The following DSCAM variants were observed in gnomAD, a reference collection of about 807,000 sequenced individuals.
DSCAM encodes cell adhesion molecule DSCAM.
Under a neutral mutation model 217.7 loss-of-function variants are expected in DSCAM, and 47 were observed. That is an observed-to-expected ratio of 0.22 (90% CI 0.17 to 0.28). The LOEUF (loss-of-function observed/expected upper bound fraction) is 0.28. Among genes scored for constraint, DSCAM ranks in the 10% least tolerant of loss-of-function variants. The pLI is 1.00. For synonymous variants in DSCAM, 1,056 were observed against 1,015.3 expected (o/e 1.04, Z -0.76); for missense variants, 2,080 against 2,618.3 (o/e 0.79, Z 4.49).
intron 8 of DSCAM, among the ~76,000 whole-genome samples, chr21:40,319,985 C>T (rs538237405): frequency 1.3e-4 from 20 of 152,132 alleles, no homozygotes; most frequent in Middle Eastern, 3.4e-3. Context: ...CACTTATAAG[C>T]GGGAGTTGAA....
chr21:40,072,359 T>A (rs2146538974), intron 27 of DSCAM, among the ~76,000 whole-genome samples: 1 of 150,428 alleles, frequency 6.6e-6, no homozygotes, highest in East Asian at 2.0e-4. Flanking sequence ...TCTTTTTTTT[T>A]TTTTTGAGAC....
At chr21:40,531,091 C>G (rs555321451) in intron 3 of DSCAM, among the ~76,000 whole-genome samples, 2 of 152,194 alleles carry the variant, frequency 1.3e-5, no homozygotes, top group Admixed American at 6.5e-5. Context: ...AGAGTTTACA[C>G]TGAAAACGTG....
At chr21:40,242,835 C>T (rs1473306688) in intron 11 of DSCAM, among the ~76,000 whole-genome samples, 4 of 152,352 alleles carry the variant, frequency 2.6e-5, no homozygotes, top group South Asian at 2.1e-4. Context: ...CAGGTTGCTG[C>T]GTACTGAGCA....
chr21:40,771,831 C>T (rs1175077633), intron 1 of DSCAM, among the ~76,000 whole-genome samples: 2 of 152,226 alleles, frequency 1.3e-5, no homozygotes, highest in Non-Finnish European at 2.9e-5. Flanking sequence ...ACTGGGAACT[C>T]AACCTAAAAT....
intron 8 of DSCAM, among the ~76,000 whole-genome samples, chr21:40,332,079 T>G (rs1182392187): frequency 6.6e-6 from 1 of 152,186 alleles, no homozygotes; most frequent in Non-Finnish European, 1.5e-5. Context: ...CCTTTCTTGT[T>G]CTGACCTGCC....
intron 15 of DSCAM, among the ~76,000 whole-genome samples, chr21:40,178,379 T>C (rs2090756176): frequency 6.6e-6 from 1 of 152,182 alleles, no homozygotes; most frequent in Admixed American, 6.6e-5. Flanking sequence ...CTTATCTCTA[T>C]CTTCTGAATT....
intron 11 of DSCAM, among the ~76,000 whole-genome samples, chr21:40,229,782 A>C (rs2146920951): frequency 6.6e-6 from 1 of 152,346 alleles, no homozygotes; most frequent in South Asian, 2.1e-4. Flanking sequence ...AATTTTTGGC[A>C]ATTACGAACA....
intron 1 of DSCAM, among the ~76,000 whole-genome samples, chr21:40,839,128 T>C (rs1011894457): frequency 6.6e-6 from 1 of 152,194 alleles, no homozygotes; most frequent in African/African-American, 2.4e-5. Flanking sequence ...GACTATTTCA[T>C]TTATAAGAGC....
chr21:40,319,546 C>T (rs1263559230), intron 8 of DSCAM, among the ~76,000 whole-genome samples: 4 of 152,144 alleles, frequency 2.6e-5, no homozygotes, highest in East Asian at 1.9e-4. Flanking sequence ...CTGCCATGAA[C>T]GTGGGATCAC....
chr21:40,298,085 T>A (rs1452537778), intron 9 of DSCAM, among the ~76,000 whole-genome samples: 1 of 98,570 alleles, frequency 1.0e-5, no homozygotes, highest in Non-Finnish European at 1.8e-5. Context: ...TAGCTTTTAC[T>A]TTTTTTTTTT....
chr21:40,546,699 C>T lies in DSCAM; in HGVS notation c.508+146111G>A, dbSNP rs1280918432. Among the ~76,000 whole-genome samples, 3 of 152,236 alleles carry T rather than the reference C, an allele frequency of 2.0e-5. No homozygotes were observed. The South Asian group carries it at 6.2e-4, about 32-fold the overall frequency. On this transcript the variant is annotated intron_variant, in intron 3 of 32. Coordinates refer to ENST00000400454, the MANE Select transcript of DSCAM (RefSeq NM_001389.5). ...TTCATCCATTTAAAAAAATAAAATA[C>T]AAATAAGTTTGATTTAGCAAAAATC...
intron 3 of DSCAM, among the ~76,000 whole-genome samples, chr21:40,586,629 G>A (rs993848743): frequency 2.6e-5 from 4 of 152,206 alleles, no homozygotes; most frequent in African/African-American, 9.6e-5. Context: ...TCCAAGTGAT[G>A]CTGACAGTGA....
At chr21:40,315,597 A>G (rs993357619) in intron 8 of DSCAM, among the ~76,000 whole-genome samples, 2 of 152,210 alleles carry the variant, frequency 1.3e-5, no homozygotes, top group African/African-American at 2.4e-5. Context: ...TGTGTTTTCT[A>G]TAATTCCAAA....
At chr21:40,565,570 G>T (rs1367489309) in intron 3 of DSCAM, among the ~76,000 whole-genome samples, 1 of 152,148 alleles carries the variant, frequency 6.6e-6, no homozygotes, top group African/African-American at 2.4e-5. Context: ...AAATTCCATT[G>T]CTGTCCCTAC....
chr21:40,081,388 C>T lies in DSCAM; in HGVS notation c.4232-1048G>A, dbSNP rs142126802. On this transcript the variant is annotated intron_variant, in intron 24 of 32. Coordinates refer to ENST00000400454, the MANE Select transcript of DSCAM (RefSeq NM_001389.5). ...ATGGGCAGGTTTGCTGATTTCCACA[C>T]CCCTTACATGGCGATCACTCATCTC... Among the ~76,000 whole-genome samples, 150 of 152,270 alleles carry T rather than the reference C, an allele frequency of 9.9e-4. 1 individual carries two copies. Among genetic ancestry groups the T allele is most frequent in the African/African-American group, 3.2e-3 (133 of 41,536 alleles).
In DSCAM at chr21:40,347,842, G is replaced by A. The variant is rs1456647531; in HGVS notation, c.1038C>T (p.Ser346=). 3 of 1,614,004 alleles carry A rather than the reference G, an allele frequency of 1.9e-6. No homozygotes were observed. The African/African-American group carries it at 4.0e-5, about 22-fold the overall frequency. The change falls in exon 6 of 33, where the codon TCC becomes TCT. Residue 346 remains serine, a synonymous_variant. Transcript: ENST00000400454. ...TGAGGATTTCACCATTGCGGTACCA[G>A]GAGAGTTCCTGGTCCTCAGTTCCTG... ...SVTGTEDQEL[S]WYRNGEILNP... is the part of the protein sequence containing the mutation.
chr21:40,842,695 G>A lies in DSCAM; in HGVS notation c.43+3924C>T, dbSNP rs1475062888. Among the ~76,000 whole-genome samples the A allele has an allele frequency of 5.9e-5, 9 of 152,174 alleles. No homozygotes were observed. In the East Asian group the frequency reaches 1.2e-3, roughly 20 times the overall value. On this transcript the variant is annotated intron_variant, in intron 1 of 32. Coordinates refer to ENST00000400454, the MANE Select transcript of DSCAM (RefSeq NM_001389.5). ...ACATAAAATACCTTGCCAGCTACCC[G>A]GAGGTCCAGGAATTGGGGATTAGAA...
intron 3 of DSCAM, among the ~76,000 whole-genome samples, chr21:40,375,295 C>A (rs1569091960): frequency 1.3e-5 from 2 of 152,234 alleles, no homozygotes; most frequent in South Asian, 2.1e-4. Context: ...CATGCATGAG[C>A]ATTTAGCAAT....
intron 3 of DSCAM, among the ~76,000 whole-genome samples, chr21:40,578,100 T>C (rs530527901): frequency 6.6e-6 from 1 of 152,136 alleles, no homozygotes; most frequent in South Asian, 2.1e-4. Flanking sequence ...TTTGCAAGGA[T>C]TGGTGAGTAT....
Sources: gnomAD v4.1 joint callset for allele counts (sites outside exome capture counted in the v4.1 genomes callset) on GRCh38, gnomAD v4.1.1 for gene constraint, MANE v1.5 for transcripts, NCBI Gene and HGNC (gene_info 2026-07-23, HGNC 2026-07-21) for gene names.